HEATR1: variants seen among roughly 807,000 people sequenced by gnomAD.
HEATR1 encodes HEAT repeat containing 1.
Under a neutral mutation model 248.2 loss-of-function variants are expected in HEATR1, and 77 were observed. That is an observed-to-expected ratio of 0.31 (90% confidence interval 0.26 to 0.37). HEATR1 has a LOEUF of 0.37. Among genes scored for constraint, HEATR1 ranks in the 10% least tolerant of loss-of-function variants. The pLI is 1.00. For synonymous variants in HEATR1, 897 were observed against 923.1 expected (o/e 0.97, Z 0.51); for missense variants, 2,420 against 2,504.9 (o/e 0.97, Z 0.72).
chr1:236,588,340 G>C (rs1232810739), intron 12 of HEATR1, among the ~76,000 whole-genome samples: 1 of 152,214 alleles, frequency 6.6e-6, no homozygotes, highest in Non-Finnish European at 1.5e-5. Context: ...TGAGAGCCCA[G>C]ATATTGACGG....
chr1:236,559,237 C>A, intron 34 of HEATR1, 102 bp from the exon 35 acceptor site: 2 of 783,506 alleles, frequency 2.6e-6, no homozygotes, highest in East Asian at 3.0e-5. Context: ...CTCCAGGCAC[C>A]AGGCACTTCC....
Position 236,557,209 on chromosome 1 carries a change from C to T in HEATR1, c.5341G>A (p.Gly1781Ser). The stretch of plus-strand genomic sequence containing the variant: ...TCGTGGCTCACCTGGGAGAGAATGC[C>T]TTCCAGATAGGGGCTGATGAAGTGC... ...LPHFISPYLE[G>S]ILSQVIHLEK... Residue 1781 changes from glycine to serine, a missense_variant, in exon 37 of 45, where the codon GGC (glycine) becomes AGC (serine). Physicochemically the swap from Gly to Ser is moderately conservative, Grantham distance 56. Transcript: ENST00000366582. 1 of 1,614,042 alleles carries T rather than the reference C, an allele frequency of 6.2e-7. No homozygotes were observed. The highest frequency in any genetic ancestry group is 1.7e-4 in the Middle Eastern group (1 of 6,058).
At chr1:236,588,844 T>G (rs1027921780) in intron 12 of HEATR1, among the ~76,000 whole-genome samples, 2 of 152,226 alleles carry the variant, frequency 1.3e-5, no homozygotes, top group East Asian at 3.9e-4. Context: ...GGCACAGTGG[T>G]GCATGTCTAT....
At chr1:236,569,196 C>A in intron 28 of HEATR1, 72 bp from the exon 29 acceptor site, 8 of 1,150,408 alleles carry the variant, frequency 7.0e-6, no homozygotes, top group East Asian at 2.9e-5. Context: ...CAAGAGATAG[C>A]GTCTCGCTCC....
chr1:236,557,843 AAAGG>A (rs1170483704), intron 36 of HEATR1, among the ~76,000 whole-genome samples: 1 of 152,260 alleles, frequency 6.6e-6, no homozygotes, highest in Non-Finnish European at 1.5e-5. Context: ...ATACTAGACA[AAAGG>A]AAGGAAGAAT....
intron 18 of HEATR1, 63 bp from the exon 19 acceptor site, chr1:236,582,935 T>A: frequency 6.2e-7 from 1 of 1,606,442 alleles, no homozygotes; most frequent in Non-Finnish European, 8.5e-7. Flanking sequence ...GAGCTTTTTA[T>A]TCAAGACAGT....
chr1:236,593,906 C>T (rs1001754694), intron 9 of HEATR1, 106 bp downstream of exon 9: 2 of 717,634 alleles, frequency 2.8e-6, no homozygotes, highest in African/African-American at 3.7e-5. Context: ...ACAGACAAAA[C>T]AAGATATACA....
intron 31 of HEATR1, 25 bp from the exon 32 acceptor site, chr1:236,564,686 C>T (rs1663223239): frequency 6.3e-7 from 1 of 1,596,392 alleles, no homozygotes; most frequent in Non-Finnish European, 8.5e-7. Flanking sequence ...AAACAAGTGA[C>T]CTTACTCATT....
chr1:236,573,318 G>A (rs568498407), intron 24 of HEATR1, among the ~76,000 whole-genome samples: 2 of 152,142 alleles, frequency 1.3e-5, no homozygotes, highest in African/African-American at 4.8e-5. Flanking sequence ...TAATCAGCTA[G>A]GAAGGAATAA....
At chr1:236,579,388 G>A (rs761627066) in intron 20 of HEATR1, among the ~76,000 whole-genome samples, 1 of 152,196 alleles carries the variant, frequency 6.6e-6, no homozygotes, top group Non-Finnish European at 1.5e-5. Flanking sequence ...TGACATATAT[G>A]ACTCAGAGGC....
chr1:236,574,598 G>T, intron 23 of HEATR1, 63 bp downstream of exon 23: 6 of 1,497,144 alleles, frequency 4.0e-6, no homozygotes, highest in South Asian at 1.3e-5. Context: ...CGCTGTTCCT[G>T]TTGCCTTCTA....
chr1:236,559,388 A>T (rs998922095), intron 34 of HEATR1, among the ~76,000 whole-genome samples: 1 of 152,250 alleles, frequency 6.6e-6, no homozygotes, highest in Admixed American at 6.5e-5. Context: ...GATTTGAATC[A>T]GCAATCCTAA....
At chr1:236,597,042 C>G in intron 5 of HEATR1, 66 bp from the exon 6 acceptor site, 1 of 1,490,186 alleles carries the variant, frequency 6.7e-7, no homozygotes, top group African/African-American at 1.4e-5. Context: ...TTGCTTGAGG[C>G]CAGGAGTTCA....
chr1:236,558,373 C>T lies in HEATR1; in HGVS notation c.5068G>A (p.Val1690Ile), dbSNP rs978371898. The stretch of plus-strand genomic sequence containing the variant: ...TTCACAGCAGTGTTCAGCACTGGGA[C>T]AAAAGGATCTGGATTTTCTGCACCA... Reference protein sequence around the residue: ...NFGAENPDPFVPVLNTAVKLI... With the variant: ...NFGAENPDPFIPVLNTAVKLI... The change falls in exon 36 of 45, where the codon GTC becomes ATC. Residue 1690 changes from valine (V) to isoleucine (I), a missense_variant. Transcript: ENST00000366582. 2.5e-6 allele frequency: 4 copies of T among 1,614,044 alleles called. No individual in the cohort carries two copies. In the African/African-American group the frequency reaches 5.3e-5, roughly 22 times the overall value.
intron 32 of HEATR1, among the ~76,000 whole-genome samples, chr1:236,563,299 GAC>G (rs1208943945): frequency 1.3e-5 from 2 of 151,432 alleles, no homozygotes; most frequent in East Asian, 1.9e-4. Flanking sequence ...TATTTTTTCA[GAC>G]AGAATCTCGC....
chr1:236,553,891 A>G, intron 42 of HEATR1, 152 bp from the exon 43 acceptor site: 1 of 741,728 alleles, frequency 1.3e-6, no homozygotes, highest in Non-Finnish European at 2.1e-6. Context: ...GGGCAAATGT[A>G]TTGCCTTCTA....
At chr1:236,563,281 A>T (rs965051573) in intron 32 of HEATR1, among the ~76,000 whole-genome samples, 81 of 149,902 alleles carry the variant, frequency 5.4e-4, no homozygotes, top group African/African-American at 1.8e-3. Flanking sequence ...CCTTTTTTTT[A>T]TTTTTTTTAT....
At chr1:236,557,136 T>G in intron 37 of HEATR1, 59 bp downstream of exon 37, 1 of 1,551,590 alleles carries the variant, frequency 6.4e-7, no homozygotes, top group South Asian at 1.2e-5. Context: ...TCACTACATT[T>G]GTGATCTTTT....
chr1:236,571,332 T>C lies in HEATR1; in HGVS notation c.3948+19A>G, dbSNP rs1663418770. On this transcript the variant is annotated intron_variant, in intron 28 of 44. Coordinates refer to ENST00000366582, the MANE Select transcript of HEATR1 (RefSeq NM_018072.6). ...AATATCTGAAATATCTGCTAAAATC[T>C]TATATCATTAACGCTTACCGGAAAT... The C allele has an allele frequency of 1.3e-6, 2 of 1,572,474 alleles. No individual in the cohort carries two copies. Among genetic ancestry groups the C allele is most frequent in the African/African-American group, 2.8e-5 (2 of 72,382 alleles).
Sources: allele counts gnomAD v4.1 joint callset (sites outside exome capture counted in the v4.1 genomes callset), GRCh38; gene constraint gnomAD v4.1.1; transcripts MANE v1.5; gene names NCBI Gene and HGNC (gene_info 2026-07-23, HGNC 2026-07-21).